FRY: variants seen among roughly 807,000 people sequenced by gnomAD.
FRY encodes protein furry homolog.
FRY carries 128 observed loss-of-function variants against 348.4 expected under a neutral mutation model. The observed-to-expected ratio is 0.37, with a 90% CI of 0.32 to 0.43. FRY has a LOEUF of 0.43. Ranked by LOEUF, FRY falls within the 20% of genes least tolerant of loss-of-function variation. The pLI, the probability that FRY is intolerant of heterozygous loss-of-function variation, is 1.00. For synonymous variants in FRY, 1,370 were observed against 1,374.7 expected (o/e 1.00, Z 0.08); for missense variants, 2,736 against 3,695.2 (o/e 0.74, Z 6.73).
chr13:32,095,409 G>A (rs932008661), intron 2 of FRY, among the ~76,000 whole-genome samples: 29 of 141,314 alleles, frequency 2.1e-4, no homozygotes, highest in African/African-American at 4.2e-4. Context: ...GTGCAGTGGC[G>A]CAGTCTTGGC....
At position 32,060,386 on chromosome 13, in the gene FRY, T is replaced by A. The variant is rs575200358; in HGVS notation, c.71-18448T>A. On this transcript the variant is annotated intron_variant, in intron 1 of 60. Coordinates refer to ENST00000542859, the MANE Select transcript of FRY (RefSeq NM_023037.3). ...GTTTAGGCTGTGTCTTTTAAAATCA[T>A]GTAACTATAGATTTGAATCCAATCA... Among the ~76,000 whole-genome samples the A allele has an allele frequency of 5.9e-5, 9 of 152,378 alleles. No homozygotes were observed. The South Asian group carries it at 6.2e-4, about 11-fold the overall frequency.
At chr13:32,140,662 G>A (rs574374452) in intron 11 of FRY, among the ~76,000 whole-genome samples, 6 of 152,258 alleles carry the variant, frequency 3.9e-5, no homozygotes, top group Admixed American at 1.3e-4. Flanking sequence ...TGAGAATGAC[G>A]CATTCAGGGA....
At chr13:32,229,549 A>T (rs1186959401) in intron 40 of FRY, among the ~76,000 whole-genome samples, 1 of 152,228 alleles carries the variant, frequency 6.6e-6, no homozygotes, top group Non-Finnish European at 1.5e-5. Context: ...TGGTGCCTAC[A>T]TACAGTATGC....
At chr13:32,288,626 T>G (rs2138643566) in intron 58 of FRY, among the ~76,000 whole-genome samples, 1 of 152,356 alleles carries the variant, frequency 6.6e-6, no homozygotes, top group Non-Finnish European at 1.5e-5. Flanking sequence ...AAGCTCTCGA[T>G]TCTGAGCTGC....
At chr13:32,099,266 G>T (rs1324839361) in intron 2 of FRY, among the ~76,000 whole-genome samples, 1 of 150,996 alleles carries the variant, frequency 6.6e-6, no homozygotes, top group Non-Finnish European at 1.5e-5. Flanking sequence ...ATATATATGT[G>T]TATATATGTA....
At chr13:32,214,314 G>A (rs1047629989) in intron 35 of FRY, among the ~76,000 whole-genome samples, 1 of 152,226 alleles carries the variant, frequency 6.6e-6, no homozygotes, top group African/African-American at 2.4e-5. Flanking sequence ...AGAACACAGA[G>A]AGACTGCGTA....
intron 35 of FRY, among the ~76,000 whole-genome samples, chr13:32,217,101 A>T (rs1885035591): frequency 6.6e-6 from 1 of 152,202 alleles, no homozygotes; most frequent in Non-Finnish European, 1.5e-5. Context: ...TAAGGACAGC[A>T]ATAGCCCTGC....
At chr13:32,207,316 T>C (rs1884413503) in intron 31 of FRY, among the ~76,000 whole-genome samples, 1 of 152,220 alleles carries the variant, frequency 6.6e-6, no homozygotes, top group South Asian at 2.1e-4. Context: ...CATAAAACTA[T>C]TCTGAGTCTT....
chr13:32,229,017 G>C (rs1216496414), intron 40 of FRY, among the ~76,000 whole-genome samples: 1 of 152,192 alleles, frequency 6.6e-6, no homozygotes, highest in Non-Finnish European at 1.5e-5. Context: ...AGACTTGGCA[G>C]AGAACTTCAC....
chr13:32,037,638 A>C (rs2138349917), intron 1 of FRY, among the ~76,000 whole-genome samples: 1 of 152,356 alleles, frequency 6.6e-6, no homozygotes, highest in East Asian at 1.9e-4. Context: ...TGACCCGGAT[A>C]ATTTTACAAT....
Position 32,276,648 on chromosome 13 carries a change from A to G in FRY, c.8385+86A>G. 3.8e-6 allele frequency: 3 copies of G among 784,806 alleles called. No individual in the cohort carries two copies. The South Asian group carries it at 4.1e-5, about 11-fold the overall frequency. The allele number at this position is 784,806 out of a possible 1,614,324, so 48.6% of individuals were successfully genotyped here. A position where few individuals can be genotyped will look rare whatever the true frequency, so the allele number is the denominator to read the frequency against. The stretch of plus-strand genomic sequence containing the variant: ...TGAGTTCTTGGGCGGGGTTGTGATT[A>G]ACTTAAGACTTTCAGACTTCATCTT... On this transcript the variant is annotated intron_variant, in intron 57 of 60. Transcript: ENST00000542859.
At chr13:32,178,136 C>T (rs773893593) in intron 20 of FRY, 41 bp from the exon 21 acceptor site, 2 of 1,610,750 alleles carry the variant, frequency 1.2e-6, no homozygotes, top group South Asian at 2.2e-5. Flanking sequence ...TGGATAACTT[C>T]AGTTCGGGTT....
At chr13:32,074,455 A>C (rs1874888341) in intron 1 of FRY, among the ~76,000 whole-genome samples, 2 of 152,304 alleles carry the variant, frequency 1.3e-5, no homozygotes, top group Non-Finnish European at 2.9e-5. Context: ...CCTCCACTCC[A>C]CACCAGCCCC....
chr13:32,096,439 G>C (rs1566068341), intron 2 of FRY, among the ~76,000 whole-genome samples: 1 of 151,470 alleles, frequency 6.6e-6, no homozygotes, highest in Non-Finnish European at 1.5e-5. Context: ...GAAAACTGCG[G>C]GGGGGGGCTT....
At position 32,291,315 on chromosome 13, in the gene FRY, CAATTAT is replaced by C. The variant is rs1176671783; in HGVS notation, c.8580+1575_8580+1580del. On this transcript the variant is annotated intron_variant, in intron 59 of 60. Coordinates refer to ENST00000542859, the MANE Select transcript of FRY (RefSeq NM_023037.3). Reference sequence around the variant, plus strand: ...CCTTCACAACCAGTTTTCCTCTATTCAATTATAAGTTGTCAGATAATAGGAATCAAC... The same window carrying C: ...CCTTCACAACCAGTTTTCCTCTATTCAAGTTGTCAGATAATAGGAATCAAC... 2.0e-5 allele frequency among the ~76,000 whole-genome samples: 3 copies of C among 152,028 alleles called. No individual in the cohort carries two copies. The East Asian group carries it at 5.8e-4, about 29-fold the overall frequency.
chr13:32,171,480 T>C (rs1490150059), intron 18 of FRY, among the ~76,000 whole-genome samples: 1 of 151,854 alleles, frequency 6.6e-6, no homozygotes, highest in Non-Finnish European at 1.5e-5. Flanking sequence ...CTGGCTAATT[T>C]TTGTAGTTTT....
In FRY at chr13:32,117,434, C is replaced by G; in HGVS notation, c.425C>G (p.Ser142Ter). The change falls in exon 4 of 61, where the codon TCA becomes TGA. Residue 142 changes from serine (S) to a stop codon, truncating the protein, a stop_gained. Coordinates refer to ENST00000542859, the MANE Select transcript of FRY (RefSeq NM_023037.3). LOFTEE classifies it high-confidence loss of function. ...YKRQNGIEDE[S>*]HEYRPRTSNK... Reference sequence around the variant, plus strand: ...AGGCAAAATGGCATTGAGGATGAATCACATGAATACAGACCAAGAACAAGC... The same window carrying G: ...AGGCAAAATGGCATTGAGGATGAATGACATGAATACAGACCAAGAACAAGC... The G allele has an allele frequency of 3.1e-6, 5 of 1,613,652 alleles. No individual in the cohort carries two copies. The highest frequency in any genetic ancestry group is 4.2e-6 in the Non-Finnish European group (5 of 1,179,618).
rs778907630 is a variant in FRY, at chr13:32,209,779, C to T, written c.4422+48C>T. On this transcript the variant is annotated intron_variant, in intron 33 of 60. Transcript: ENST00000542859. ...AGAGTGATTATTCCTGCAGGGACTC[C>T]CATGTGCAATTTGCAAGTCAGAATG... 4 of 1,584,126 alleles carry T rather than the reference C, an allele frequency of 2.5e-6. No homozygotes were observed. In the African/African-American group the frequency reaches 4.0e-5, roughly 16 times the overall value.
chr13:32,146,238 C>T (rs192331965), intron 11 of FRY, among the ~76,000 whole-genome samples: 5 of 151,992 alleles, frequency 3.3e-5, no homozygotes, highest in African/African-American at 9.7e-5. Flanking sequence ...GTGGCAGGCT[C>T]AGCATAGTAG....
Sources: allele counts gnomAD v4.1 joint callset (sites outside exome capture counted in the v4.1 genomes callset), GRCh38; gene constraint gnomAD v4.1.1; transcripts MANE v1.5; gene names NCBI Gene and HGNC (gene_info 2026-07-23, HGNC 2026-07-21).